CNTN5: variants seen among roughly 807,000 people sequenced by gnomAD.
CNTN5 encodes the protein contactin 5, also known as contactin-5.
In CNTN5, 77 loss-of-function variants were observed where a neutral mutation model predicts 129.1. The ratio of observed to expected loss-of-function variants is 0.60; its 90% CI spans 0.50 to 0.72. The LOEUF (loss-of-function observed/expected upper bound fraction) is 0.72, where lower values mean the gene tolerates loss of function less well. Ranked by LOEUF, CNTN5 falls within the 30% of genes least tolerant of loss-of-function variation. The probability of loss-of-function intolerance (pLI) is 0.00; values close to 1 mark genes in which losing one functional copy is unlikely to be tolerated. For synonymous variants in CNTN5, 509 were observed against 465.6 expected (o/e 1.09, Z -1.20); for missense variants, 1,478 against 1,328.8 (o/e 1.11, Z -1.75).
chr11:99,075,502 G>T (rs1865523790), intron 1 of CNTN5, among the ~76,000 whole-genome samples: 1 of 152,048 alleles, frequency 6.6e-6, no homozygotes, highest in Non-Finnish European at 1.5e-5. Flanking sequence ...CAAATCAAAA[G>T]AAATGTAAAA....
chr11:99,770,706 T>C (rs1944915313), intron 3 of CNTN5, among the ~76,000 whole-genome samples: 1 of 152,136 alleles, frequency 6.6e-6, no homozygotes, highest in Non-Finnish European at 1.5e-5. Context: ...TTTGATGCTA[T>C]TGTAAATGGG....
In CNTN5 at chr11:99,990,488, ATACT is replaced by A. The variant is rs758521670; in HGVS notation, c.878-11545_878-11542del. Among the ~76,000 whole-genome samples the A allele has an allele frequency of 6.3e-3, 962 of 151,964 alleles. 10 individuals are homozygous for A. The highest frequency in any genetic ancestry group is 8.0e-3 in the Non-Finnish European group (545 of 67,932). Reference sequence around the variant, plus strand: ...CACACACACACACACACACACATACATACTAGTGATGAAAAACATTTTCTCCTAA... The same window carrying A: ...CACACACACACACACACACACATACAAGTGATGAAAAACATTTTCTCCTAA... On this transcript the variant is annotated intron_variant, in intron 8 of 24. Transcript: ENST00000524871.
intron 2 of CNTN5, among the ~76,000 whole-genome samples, chr11:99,361,240 C>T (rs756276342): frequency 4.6e-5 from 7 of 152,140 alleles, no homozygotes; most frequent in Non-Finnish European, 7.4e-5. Context: ...TGTACCCTCA[C>T]CAGAAGCACC....
At chr11:99,913,741 G>A (rs896654801) in intron 6 of CNTN5, among the ~76,000 whole-genome samples, 4 of 151,964 alleles carry the variant, frequency 2.6e-5, no homozygotes, top group Non-Finnish European at 4.4e-5. Flanking sequence ...ATTAATTTAG[G>A]ACTGTTTTCT....
intron 4 of CNTN5, among the ~76,000 whole-genome samples, chr11:99,836,250 C>T (rs994807115): frequency 4.6e-5 from 7 of 150,800 alleles, no homozygotes; most frequent in African/African-American, 1.7e-4. Context: ...CCCATTAACT[C>T]GTCACTTACA....
At chr11:99,517,927 A>G (rs928071832) in intron 2 of CNTN5, among the ~76,000 whole-genome samples, 12 of 152,096 alleles carry the variant, frequency 7.9e-5, no homozygotes, top group African/African-American at 2.9e-4. Flanking sequence ...TTGGGACATC[A>G]TAGGCATTGT....
chr11:99,655,123 A>C (rs1222409731), intron 3 of CNTN5, among the ~76,000 whole-genome samples: 1 of 152,032 alleles, frequency 6.6e-6, no homozygotes, highest in Non-Finnish European at 1.5e-5. Context: ...TGGTAGGTAG[A>C]ATTTGGGGTC....
intron 1 of CNTN5, among the ~76,000 whole-genome samples, chr11:99,203,512 T>A (rs2135639005): frequency 6.6e-6 from 1 of 152,294 alleles, no homozygotes; most frequent in Middle Eastern, 3.4e-3. Flanking sequence ...CAGTAAATCC[T>A]TTGTATGTTT....
chr11:100,196,553 C>G (rs1205284119), intron 15 of CNTN5, among the ~76,000 whole-genome samples: 1 of 151,878 alleles, frequency 6.6e-6, no homozygotes, highest in Non-Finnish European at 1.5e-5. Context: ...GCTTTGAACT[C>G]CATTTCAACA....
At chr11:100,183,946 C>G (rs2138465911) in intron 13 of CNTN5, among the ~76,000 whole-genome samples, 1 of 152,146 alleles carries the variant, frequency 6.6e-6, no homozygotes, top group East Asian at 1.9e-4. Context: ...TCAGGATTGG[C>G]CATTTCTTCA....
chr11:99,119,709 C>T (rs1858215541), intron 1 of CNTN5, among the ~76,000 whole-genome samples: 2 of 152,020 alleles, frequency 1.3e-5, no homozygotes, highest in South Asian at 2.1e-4. Context: ...TGAGGAATCG[C>T]CACCCTGCTT....
chr11:99,938,495 G>C (rs1293141947), intron 7 of CNTN5, among the ~76,000 whole-genome samples: 2 of 152,044 alleles, frequency 1.3e-5, no homozygotes, highest in East Asian at 3.9e-4. Flanking sequence ...GGGAATCATG[G>C]CACATAATGG....
At chr11:99,812,120 C>G (rs1433011936) in intron 3 of CNTN5, among the ~76,000 whole-genome samples, 1 of 152,030 alleles carries the variant, frequency 6.6e-6, no homozygotes, top group Non-Finnish European at 1.5e-5. Flanking sequence ...AAACCCTGAA[C>G]AGGAATATGG....
At chr11:100,030,163 C>A (rs191007667) in intron 9 of CNTN5, among the ~76,000 whole-genome samples, 213 of 151,954 alleles carry the variant, frequency 1.4e-3, no homozygotes, top group African/African-American at 4.9e-3. Context: ...TCACTTGAGG[C>A]CTGGCGTTCA....
intron 3 of CNTN5, among the ~76,000 whole-genome samples, chr11:99,814,301 G>A (rs1314041201): frequency 6.6e-6 from 1 of 152,134 alleles, no homozygotes; most frequent in Non-Finnish European, 1.5e-5. Context: ...TGTCTCTTCT[G>A]ATTGCCTCTA....
intron 9 of CNTN5, among the ~76,000 whole-genome samples, chr11:100,034,409 A>G (rs1941873985): frequency 1.3e-5 from 2 of 152,174 alleles, no homozygotes; most frequent in Non-Finnish European, 2.9e-5. Flanking sequence ...TGTTAGTTCT[A>G]TATCTTAAAT....
At chr11:99,125,399 T>G (rs1234437144) in intron 1 of CNTN5, among the ~76,000 whole-genome samples, 1 of 151,966 alleles carries the variant, frequency 6.6e-6, no homozygotes, top group Non-Finnish European at 1.5e-5. Context: ...GATAAAATTT[T>G]ACATCCCTGC....
At chr11:99,197,446 A>G (rs1046568689) in intron 1 of CNTN5, among the ~76,000 whole-genome samples, 2 of 152,186 alleles carry the variant, frequency 1.3e-5, no homozygotes. Flanking sequence ...TTAACTGAGA[A>G]AGAAAGTCCA....
At chr11:99,963,051 G>A (rs1053195421) in intron 8 of CNTN5, among the ~76,000 whole-genome samples, 4 of 152,124 alleles carry the variant, frequency 2.6e-5, no homozygotes, top group African/African-American at 9.7e-5. Flanking sequence ...GTAGATTCTG[G>A]ATATTAGCCC....
Sources: allele counts gnomAD v4.1 joint callset (sites outside exome capture counted in the v4.1 genomes callset), GRCh38; gene constraint gnomAD v4.1.1; transcripts MANE v1.5; gene names NCBI Gene and HGNC (gene_info 2026-07-23, HGNC 2026-07-21).